The following ZNF276 variants were observed in gnomAD, a reference collection of about 807,000 sequenced individuals.
The protein encoded by ZNF276 is centromere protein Z.
In ZNF276, 59 loss-of-function variants were observed where a neutral mutation model predicts 63.9. The observed-to-expected ratio is 0.92, with a 90% CI of 0.75 to 1.15. ZNF276 has a LOEUF of 1.15. ZNF276 is among the 50% of genes most tolerant of loss of function. The probability of loss-of-function intolerance (pLI) is 0.00; values close to 1 mark genes in which losing one functional copy is unlikely to be tolerated. For missense variants in ZNF276, 1,084 were observed against 843.8 expected (o/e 1.28, Z -3.53); for synonymous variants, 496 against 348.4 (o/e 1.42, Z -4.72).
At chr16:89,737,200 T>C (rs901037473) in intron 9 of ZNF276, among the ~76,000 whole-genome samples, 7 of 152,192 alleles carry the variant, frequency 4.6e-5, no homozygotes, top group Non-Finnish European at 8.8e-5. Flanking sequence ...ATCAGTATTC[T>C]ATACAACCTT....
intron 2 of ZNF276, 107 bp downstream of exon 2, chr16:89,722,941 A>T (rs953159286): frequency 1.9e-6 from 3 of 1,555,218 alleles, no homozygotes; most frequent in Non-Finnish European, 2.6e-6. Flanking sequence ...GGGTGGGGGG[A>T]ATGGGCCATG....
At chr16:89,726,010 C>T (rs1374291651) in intron 4 of ZNF276, among the ~76,000 whole-genome samples, 1 of 152,064 alleles carries the variant, frequency 6.6e-6, no homozygotes, top group Non-Finnish European at 1.5e-5. Context: ...CAGGCCTGGC[C>T]GAGAGAACAG....
At chr16:89,725,784 C>G (rs1355771836) in intron 4 of ZNF276, among the ~76,000 whole-genome samples, 1 of 152,042 alleles carries the variant, frequency 6.6e-6, no homozygotes, top group Non-Finnish European at 1.5e-5. Flanking sequence ...GAGCAAGATT[C>G]TGTCTAAAAA....
intron 9 of ZNF276, among the ~76,000 whole-genome samples, chr16:89,736,761 C>T (rs1037908561): frequency 1.5e-5 from 2 of 133,416 alleles, no homozygotes; most frequent in Non-Finnish European, 3.0e-5. Context: ...TACCATTGCA[C>T]TTCAACCTGG....
rs2061279061 is a variant in ZNF276 at position 89,721,646 on chromosome 16, G to T, written c.6G>T (p.Lys2Asn). The change falls in exon 1 of 11, where the codon AAG becomes AAT. Residue 2 changes from lysine (K) to asparagine (N), a missense_variant. Physicochemically the swap from Lys to Asn is moderately conservative, Grantham distance 94 (BLOSUM62 0). Coordinates refer to ENST00000443381, the MANE Select transcript of ZNF276 (RefSeq NM_001113525.2). ...TGCTGGCGTCCTCCGCTGCCATGAA[G>T]CGGGACCGGCTGGGCCGCTTCCTGT... is the stretch of plus-strand genomic sequence containing the variant. M[K>N]RDRLGRFLSP... 1.4e-6 allele frequency: 2 copies of T among 1,470,402 alleles called. No homozygotes were observed. The highest frequency in any genetic ancestry group is 1.5e-5 in the African/African-American group (1 of 68,340). 91.1% of individuals were successfully genotyped at this position (1,470,402 alleles called of 1,614,324 possible). A position where few individuals can be genotyped will look rare whatever the true frequency, so the allele number is the denominator to read the frequency against.
At chr16:89,736,844 C>A (rs1032215264) in intron 9 of ZNF276, among the ~76,000 whole-genome samples, 1 of 146,096 alleles carries the variant, frequency 6.8e-6, no homozygotes, top group Non-Finnish European at 1.5e-5. Flanking sequence ...GGTGGAGTTT[C>A]CAGTGAGCTG....
intron 5 of ZNF276, among the ~76,000 whole-genome samples, chr16:89,728,465 A>G (rs532679312): frequency 3.7e-4 from 56 of 151,918 alleles, no homozygotes; most frequent in Non-Finnish European, 5.3e-4. Flanking sequence ...GTGCAGTGGC[A>G]CAATCTCGGC....
In ZNF276 at chr16:89,738,010, G is replaced by C; in HGVS notation, c.1609G>C (p.Ala537Pro). Reference sequence around the variant, plus strand: ...CTGTGGGTTCCAGTGCAGGCAGCGGGCATCCCTCAAGTACCACATGACCAA... The same window carrying C: ...CTGTGGGTTCCAGTGCAGGCAGCGGCCATCCCTCAAGTACCACATGACCAA... Reference protein sequence around the residue: ...EVCGFQCRQRASLKYHMTKHK... With the variant: ...EVCGFQCRQRPSLKYHMTKHK... The change falls in exon 11 of 11, where the codon GCA becomes CCA. Residue 537 changes from alanine (A) to proline (P), a missense_variant. By Grantham distance (27) the Ala-to-Pro change is conservative (BLOSUM62 -1). Coordinates refer to ENST00000443381, the MANE Select transcript of ZNF276 (RefSeq NM_001113525.2). 1 of 1,614,148 alleles carries C rather than the reference G, an allele frequency of 6.2e-7. No homozygotes were observed. The highest frequency in any genetic ancestry group is 8.5e-7 in the Non-Finnish European group (1 of 1,180,042).
intron 6 of ZNF276, 98 bp from the exon 7 acceptor site, chr16:89,733,204 G>A: frequency 8.7e-7 from 1 of 1,149,948 alleles, no homozygotes; most frequent in Non-Finnish European, 1.3e-6. Context: ...GCAACTCAGG[G>A]AAGCTTCAGA....
Position 89,722,589 on chromosome 16 carries a change from G to C in ZNF276, c.264G>C (p.Ser88=). The C allele has an allele frequency of 1.2e-6, 2 of 1,612,248 alleles. No homozygotes were observed. The highest frequency in any genetic ancestry group is 2.2e-5 in the South Asian group (2 of 91,076). ...GCCTCTGCCACGGGAAGTTTTCCTC[G>C]AGAAGCCTGCGCAGCATCTCCGAGA... The part of the protein sequence containing the change: ...HCRLCHGKFS[S]RSLRSISERA... The change falls in exon 2 of 11, where the codon TCG becomes TCC. Residue 88 remains serine (S), a synonymous_variant. Coordinates refer to ENST00000443381, the MANE Select transcript of ZNF276 (RefSeq NM_001113525.2).
chr16:89,733,436 G>A (rs899336917), intron 7 of ZNF276, 24 bp downstream of exon 7: 25 of 1,613,954 alleles, frequency 1.5e-5, no homozygotes, highest in East Asian at 4.5e-5. Context: ...CGCGAGGCTC[G>A]CCCTGCCTGT....
chr16:89,740,188 T>G lies in ZNF276; in HGVS notation c.*1942T>G. 1 of 1,029,908 alleles carries G rather than the reference T, an allele frequency of 9.7e-7. No individual in the cohort carries two copies. The highest frequency in any genetic ancestry group is 1.5e-6 in the Non-Finnish European group (1 of 648,700). The allele number at this position is 1,029,908 out of a possible 1,614,324, so 63.8% of individuals were successfully genotyped here. On this transcript the variant is annotated 3_prime_UTR_variant, in exon 11 of 11. Transcript: ENST00000443381. ...ACAGCCCTCAGCACAGAAGAGGGCA[T>G]TTCCTCTTTGCTTATTGTAAGTCTT...
Position 89,722,789 on chromosome 16 carries a change from A to G in ZNF276, c.464A>G (p.Gln155Arg), listed in dbSNP as rs373080564. 2 of 1,608,150 alleles carry G rather than the reference A, an allele frequency of 1.2e-6. No individual in the cohort carries two copies. Among genetic ancestry groups the G allele is most frequent in the East Asian group, 2.2e-5 (1 of 44,880 alleles). ...CACAGCCTTCTCAAGTCCTTCCTGC[A>G]GAGGGTCAACGCCTCCCCGGCTGGT... ...QCHSLLKSFL[Q>R]RVNASPAGRR... The change falls in exon 2 of 11, where the codon CAG becomes CGG. Residue 155 changes from glutamine (Q) to arginine (R), a missense_variant. Physicochemically the swap from Gln to Arg is conservative, Grantham distance 43. Transcript: ENST00000443381.
rs925692168 is a variant in ZNF276, at chr16:89,739,405, G to A, written c.*1159G>A. On this transcript the variant is annotated 3_prime_UTR_variant, in exon 11 of 11. Transcript: ENST00000443381. ...GCACAGACAACCCTTCCCATCTGGC[G>A]GGACCCAGAGGTGCTGAGATGGGGG... is the stretch of plus-strand genomic sequence containing the variant. The A allele has an allele frequency of 5.8e-6, 9 of 1,559,162 alleles. No individual in the cohort carries two copies. The highest frequency in any genetic ancestry group is 2.7e-5 in the African/African-American group (2 of 73,812).
chr16:89,723,594 T>G lies in ZNF276; in HGVS notation c.891T>G (p.Ala297=). ...GAGGGACAGGGACCCCAGTTGGGGCTGAGACCAAGACCCTGCCCAGCACGG... is the reference window on the plus strand; with the variant it reads ...GAGGGACAGGGACCCCAGTTGGGGCGGAGACCAAGACCCTGCCCAGCACGG... ...QGRGTGTPVG[A]ETKTLPSTDV... is the part of the protein sequence containing the mutation. The change falls in exon 4 of 11, where the codon GCT becomes GCG. Residue 297 remains alanine (A), a synonymous_variant. Transcript: ENST00000443381. The G allele has an allele frequency of 6.2e-7, 1 of 1,612,802 alleles. No homozygotes were observed.
intron 4 of ZNF276, among the ~76,000 whole-genome samples, chr16:89,724,895 TCTACTTATCTAC>T (rs1055821078): frequency 5.9e-5 from 9 of 152,246 alleles, no homozygotes; most frequent in African/African-American, 2.2e-4. Flanking sequence ...TATCTATGTA[TCTACTTATCTAC>T]CTATTTATCT....
At chr16:89,723,018 G>A in intron 2 of ZNF276, 119 bp from the exon 3 acceptor site, 2 of 1,599,178 alleles carry the variant, frequency 1.3e-6, no homozygotes, top group South Asian at 1.1e-5. Flanking sequence ...CTGGGGTGAG[G>A]GAAGAGAAAG....
intron 9 of ZNF276, among the ~76,000 whole-genome samples, chr16:89,737,183 T>A (rs1348149986): frequency 1.3e-5 from 2 of 152,172 alleles, no homozygotes; most frequent in African/African-American, 2.4e-5. Flanking sequence ...CAGCCATAGC[T>A]GTGACAATCA....
At chr16:89,729,727 C>T (rs1405870050) in intron 6 of ZNF276, among the ~76,000 whole-genome samples, 2 of 152,204 alleles carry the variant, frequency 1.3e-5, no homozygotes, top group Non-Finnish European at 2.9e-5. Context: ...TCCCCAGAGG[C>T]CCGAGGACCC....
Sources: allele counts gnomAD v4.1 joint callset (sites outside exome capture counted in the v4.1 genomes callset), GRCh38; gene constraint gnomAD v4.1.1; transcripts MANE v1.5; gene names NCBI Gene and HGNC (gene_info 2026-07-23, HGNC 2026-07-21).